VWA8: variants seen among roughly 807,000 people sequenced by gnomAD.
VWA8 encodes the protein von Willebrand factor A domain-containing protein 8.
Under a neutral mutation model 241.5 loss-of-function variants are expected in VWA8, and 221 were observed. The observed-to-expected ratio is 0.91, with a 90% CI of 0.82 to 1.02. The LOEUF (loss-of-function observed/expected upper bound fraction) is 1.02. Ranked by LOEUF, VWA8 falls within the 50% of genes least tolerant of loss-of-function variation. VWA8 has a pLI of 0.00. For missense variants in VWA8, 2,322 were observed against 2,328.7 expected, an observed-to-expected ratio of 1.00 and a Z score of 0.06; for synonymous variants, 852 against 827.1, an observed-to-expected ratio of 1.03 and a Z score of -0.52.
intron 12 of VWA8, among the ~76,000 whole-genome samples, chr13:41,839,141 C>T (rs1260509738): frequency 1.3e-5 from 2 of 152,152 alleles, no homozygotes; most frequent in Admixed American, 1.3e-4. Context: ...CATTTCTCCA[C>T]ATCCTCTCCA....
rs371271175 is a variant in VWA8, at chr13:41,611,649, C to A, written c.4804G>T (p.Ala1602Ser). ...AGHTVYQVSQ[A>S]EKDAVPEEVK... ...TCTTCGGGAACTGCATCTTTCTCAG[C>A]CTGAGAGACCTGGTACACCGTATGG... Residue 1602 changes from alanine to serine, a missense_variant, in exon 39 of 45, where the codon GCT becomes TCT. By Grantham distance (99) the Ala-to-Ser change is moderately conservative. Transcript: ENST00000379310. The A allele has an allele frequency of 1.2e-6, 2 of 1,614,094 alleles. No homozygotes were observed. The highest frequency in any genetic ancestry group is 1.7e-6 in the Non-Finnish European group (2 of 1,179,972).
chr13:41,736,221 G>C (rs185584706), intron 21 of VWA8, among the ~76,000 whole-genome samples: 1 of 152,266 alleles, frequency 6.6e-6, no homozygotes, highest in East Asian at 1.9e-4. Context: ...TGTTATCACT[G>C]TTCTCACTTT....
intron 37 of VWA8, among the ~76,000 whole-genome samples, chr13:41,665,591 C>G (rs865857000): frequency 6.6e-6 from 1 of 151,472 alleles, no homozygotes; most frequent in Admixed American, 6.6e-5. Context: ...AATGTAAGTA[C>G]TTAAATGTAA....
intron 16 of VWA8, among the ~76,000 whole-genome samples, chr13:41,812,991 C>T (rs1441503729): frequency 6.6e-6 from 1 of 152,040 alleles, no homozygotes; most frequent in Non-Finnish European, 1.5e-5. Flanking sequence ...ATCCTCTCAT[C>T]AAAGGCATGA....
chr13:41,848,596 C>T (rs1224041522), intron 12 of VWA8, among the ~76,000 whole-genome samples: 2 of 152,196 alleles, frequency 1.3e-5, no homozygotes, highest in Admixed American at 1.3e-4. Context: ...CAACTCCCTC[C>T]TGCCACCTAG....
chr13:41,741,510 A>G (rs2045568985), intron 21 of VWA8, among the ~76,000 whole-genome samples: 1 of 152,200 alleles, frequency 6.6e-6, no homozygotes, highest in Non-Finnish European at 1.5e-5. Flanking sequence ...TTCTATAGAA[A>G]GCACTTTACA....
At chr13:41,697,799 C>A (rs1354421362) in intron 29 of VWA8, among the ~76,000 whole-genome samples, 2 of 152,130 alleles carry the variant, frequency 1.3e-5, no homozygotes, top group Admixed American at 6.6e-5. Flanking sequence ...GAGTTGGGGA[C>A]CCCTGCTCTG....
intron 42 of VWA8, among the ~76,000 whole-genome samples, chr13:41,576,362 C>T (rs7322968): frequency 0.28 from 42,611 of 152,060 alleles, 7,107 homozygotes; most frequent in African/African-American, 0.46. Context: ...GCTACATTCT[C>T]CTACAAATAA....
intron 39 of VWA8, among the ~76,000 whole-genome samples, 168 bp from the exon 40 acceptor site, chr13:41,605,444 G>T (rs1318238836): frequency 6.6e-6 from 1 of 152,148 alleles, no homozygotes; most frequent in Non-Finnish European, 1.5e-5. Flanking sequence ...AGATTCAAAG[G>T]AGGTAACATC....
chr13:41,643,753 C>G (rs946937335), intron 37 of VWA8, among the ~76,000 whole-genome samples: 3 of 152,064 alleles, frequency 2.0e-5, no homozygotes, highest in Non-Finnish European at 4.4e-5. Context: ...CTCACATCAC[C>G]AACACCAGGC....
intron 17 of VWA8, among the ~76,000 whole-genome samples, chr13:41,807,486 T>C (rs1450355687): frequency 6.6e-6 from 1 of 152,198 alleles, no homozygotes; most frequent in Non-Finnish European, 1.5e-5. Context: ...ATAAAGATCA[T>C]TCATCATGAC....
At chr13:41,581,105 A>G (rs1270705121) in intron 42 of VWA8, among the ~76,000 whole-genome samples, 3 of 127,560 alleles carry the variant, frequency 2.4e-5, no homozygotes, top group Non-Finnish European at 4.6e-5. Flanking sequence ...AGTTCACGCC[A>G]TTCTCCTGCC....
chr13:41,700,258 G>A (rs1044757260), intron 28 of VWA8, among the ~76,000 whole-genome samples: 1 of 151,894 alleles, frequency 6.6e-6, no homozygotes, highest in Non-Finnish European at 1.5e-5. Flanking sequence ...GTCTGTGTGT[G>A]TATGCATCAT....
At chr13:41,840,354 C>G (rs1871939366) in intron 12 of VWA8, among the ~76,000 whole-genome samples, 1 of 151,932 alleles carries the variant, frequency 6.6e-6, no homozygotes, top group South Asian at 2.1e-4. Context: ...AGGAAAAATA[C>G]CTAACGTAGG....
chr13:41,946,675 A>G (rs1228556084), intron 2 of VWA8, among the ~76,000 whole-genome samples: 2 of 152,064 alleles, frequency 1.3e-5, no homozygotes, highest in African/African-American at 4.8e-5. Context: ...AAGAGTAGTA[A>G]AAGAAAAAGT....
At chr13:41,659,737 T>C (rs549592810) in intron 37 of VWA8, among the ~76,000 whole-genome samples, 2 of 152,336 alleles carry the variant, frequency 1.3e-5, no homozygotes, top group South Asian at 4.1e-4. Flanking sequence ...CAAAGCTTTT[T>C]ATTAGAATTC....
rs554966010 is a variant in VWA8, at chr13:41,660,794, A to G, written c.4611+10152T>C. 3.3e-4 allele frequency among the ~76,000 whole-genome samples: 50 copies of G among 152,248 alleles called. 1 individual carries two copies. In the South Asian group the frequency reaches 0.01, roughly 31 times the overall value. ...ACTTGAACAACATAGAAATTTTGCA[A>G]CACTTTAACTTATTTTATCTATTCA... On this transcript the variant is annotated intron_variant, in intron 37 of 44. Coordinates refer to ENST00000379310, the MANE Select transcript of VWA8 (RefSeq NM_015058.2).
chr13:41,715,419 T>C (rs779785015), intron 26 of VWA8, among the ~76,000 whole-genome samples: 8 of 152,056 alleles, frequency 5.3e-5, no homozygotes, highest in Non-Finnish European at 1.2e-4. Flanking sequence ...TTTCTTAAAA[T>C]GGAAATCTCA....
chr13:41,744,100 C>A (rs1240523969), intron 21 of VWA8, among the ~76,000 whole-genome samples: 2 of 152,180 alleles, frequency 1.3e-5, no homozygotes, highest in South Asian at 2.1e-4. Context: ...GGCTGGCACT[C>A]TTGCTTCCAG....
Sources: allele counts gnomAD v4.1 joint callset (sites outside exome capture counted in the v4.1 genomes callset), GRCh38; gene constraint gnomAD v4.1.1; transcripts MANE v1.5; gene names NCBI Gene and HGNC (gene_info 2026-07-23, HGNC 2026-07-21).